DIABLO: variants seen among roughly 807,000 people sequenced by gnomAD.
DIABLO encodes the protein diablo IAP-binding mitochondrial protein.
In DIABLO, 32 loss-of-function variants were observed where a neutral mutation model predicts 31.7. The ratio of observed to expected loss-of-function variants is 1.01; its 90% CI spans 0.76 to 1.35. The LOEUF (loss-of-function observed/expected upper bound fraction) is 1.35, where lower values mean the gene tolerates loss of function less well. Among genes scored for constraint, DIABLO ranks in the 40% most tolerant of loss-of-function variants. The pLI, the probability that DIABLO is intolerant of heterozygous loss-of-function variation, is 0.00. For missense variants in DIABLO, 316 were observed against 286.4 expected, an observed-to-expected ratio of 1.10 and a Z score of -0.75; for synonymous variants, 132 against 103.2, an observed-to-expected ratio of 1.28 and a Z score of -1.69.
In DIABLO at chr12:122,215,174, C is replaced by T. The variant is rs181829307; in HGVS notation, c.523+1314G>A. On this transcript the variant is annotated intron_variant, in intron 5 of 5. Transcript: ENST00000464942. Reference sequence around the variant, plus strand: ...AGGCGTGGTGGTGCATGCTTGTAATCGGGAGGCTGAGGCAGGAAAATTGCT... The same window carrying T: ...AGGCGTGGTGGTGCATGCTTGTAATTGGGAGGCTGAGGCAGGAAAATTGCT... 3.2e-4 allele frequency among the ~76,000 whole-genome samples: 48 copies of T among 152,110 alleles called. 1 individual carries two copies. In the East Asian group the frequency reaches 3.3e-3, roughly 10 times the overall value.
chr12:122,213,150 G>A (rs1286638535), intron 5 of DIABLO, among the ~76,000 whole-genome samples: 1 of 152,028 alleles, frequency 6.6e-6, no homozygotes, highest in Non-Finnish European at 1.5e-5. Context: ...CTGAGCTCAA[G>A]TGATCCACCT....
In DIABLO at chr12:122,208,383, A is replaced by G; in HGVS notation, c.718T>C (p.Ter240ArgextTer48). The change falls in exon 6 of 6, where the codon TGA (stop) becomes CGA (arginine). Residue 240 changes from the stop codon to arginine (R), a stop_lost. Coordinates refer to ENST00000464942, the MANE Select transcript of DIABLO (RefSeq NM_001371333.1). The part of the protein sequence containing the change: ...SEQEAYLRED[*>R] ...GACAGGGCAGTGTGCTCAGGCCCTC[A>G]ATCCTCACGCAGGTAGGCCTCCTGC... 2 of 1,611,970 alleles carry G rather than the reference A, an allele frequency of 1.2e-6. No homozygotes were observed. The highest frequency in any genetic ancestry group is 1.7e-6 in the Non-Finnish European group (2 of 1,179,970).
At position 122,208,003 on chromosome 12, in the gene DIABLO, AT is replaced by A. The variant is rs1953967741; in HGVS notation, c.*377del. ...CAACAGAGGGAACAAGTACTAAATCATTTTTGACGACGTAAATAAGACTGAA... is the reference window on the plus strand; with the variant it reads ...CAACAGAGGGAACAAGTACTAAATCATTTTGACGACGTAAATAAGACTGAA... On this transcript the variant is annotated 3_prime_UTR_variant, in exon 6 of 6. Transcript: ENST00000464942. The A allele has an allele frequency of 2.1e-6, 1 of 482,916 alleles. No individual in the cohort carries two copies. The allele number at this position is 482,916 out of a possible 1,614,324, so 29.9% of individuals were successfully genotyped here. A position where few individuals can be genotyped will look rare whatever the true frequency, so the allele number is the denominator to read the frequency against.
At chr12:122,223,252 T>C (rs1954373403) in intron 2 of DIABLO, among the ~76,000 whole-genome samples, 1 of 151,810 alleles carries the variant, frequency 6.6e-6, no homozygotes, top group African/African-American at 2.4e-5. Flanking sequence ...CTCACAAGCA[T>C]GGAGAAACCC....
At position 122,207,807 on chromosome 12, in the gene DIABLO, C is replaced by G. The variant is rs1455178362; in HGVS notation, c.*574G>C. The G allele has an allele frequency of 2.2e-6, 1 of 464,762 alleles. No homozygotes were observed. The highest frequency in any genetic ancestry group is 2.3e-5 in the Admixed American group (1 of 42,804). The allele number at this position is 464,762 out of a possible 1,614,324, so 28.8% of individuals were successfully genotyped here. A position where few individuals can be genotyped will look rare whatever the true frequency, so the allele number is the denominator to read the frequency against. On this transcript the variant is annotated 3_prime_UTR_variant, in exon 6 of 6. Transcript: ENST00000464942. The stretch of plus-strand genomic sequence containing the variant: ...TGTTGATGTTAAGTCCTGTTGAGAG[C>G]ACCAGGTAAACACTCTGCACCCCTT...
intron 1 of DIABLO, chr12:122,225,761 G>T: frequency 1.4e-6 from 2 of 1,439,308 alleles, no homozygotes; most frequent in Non-Finnish European, 1.8e-6. Context: ...GAAGATGGAC[G>T]AACTGAAAAG....
At chr12:122,213,928 T>TA (rs553865472) in intron 5 of DIABLO, among the ~76,000 whole-genome samples, 1 of 151,794 alleles carries the variant, frequency 6.6e-6, no homozygotes, top group Admixed American at 6.6e-5. Context: ...CTACTAAAAA[T>TA]AAAAAAATTA....
intron 5 of DIABLO, among the ~76,000 whole-genome samples, chr12:122,210,636 C>T (rs893492432): frequency 1.3e-5 from 2 of 149,970 alleles, no homozygotes; most frequent in East Asian, 3.9e-4. Context: ...GCCTTGGCCT[C>T]CCAAAGTGCT....
chr12:122,226,504 G>T (rs1389634134), upstream of DIABLO: 1 of 698,910 alleles, frequency 1.4e-6, no homozygotes, highest in East Asian at 2.7e-5. Context: ...TAGCTGAGGA[G>T]CACGAAGGCG....
At chr12:122,225,879 A>G in intron 1 of DIABLO, 86 bp downstream of exon 1, 1 of 1,542,964 alleles carries the variant, frequency 6.5e-7, no homozygotes. Context: ...CGCGTAAGGA[A>G]GGCGGGCGCC....
At chr12:122,214,884 T>C (rs1033654594) in intron 5 of DIABLO, among the ~76,000 whole-genome samples, 5 of 151,998 alleles carry the variant, frequency 3.3e-5, no homozygotes, top group Non-Finnish European at 5.9e-5. Context: ...AGAGACAGGG[T>C]TTCACCACGG....
chr12:122,219,949 AT>A (rs199676513), intron 2 of DIABLO, among the ~76,000 whole-genome samples: 31,288 of 142,380 alleles, frequency 0.22, 4,450 homozygotes, highest in East Asian at 0.62. Flanking sequence ...CGGTTATTTT[AT>A]TTTTTTTTTT....
At chr12:122,224,881 G>T in intron 1 of DIABLO, 2 of 1,418,484 alleles carry the variant, frequency 1.4e-6, no homozygotes, top group South Asian at 2.6e-5. Flanking sequence ...GGGCAAGGCG[G>T]GAGGATCACT....
intron 2 of DIABLO, chr12:122,221,667 G>T: frequency 6.6e-6 from 1 of 152,222 alleles, no homozygotes; most frequent in Non-Finnish European, 1.5e-5. Flanking sequence ...AAAAGTACTG[G>T]GATTACAAGA....
intron 4 of DIABLO, 55 bp downstream of exon 4, chr12:122,216,703 AG>A: frequency 6.4e-7 from 1 of 1,561,772 alleles, no homozygotes; most frequent in South Asian, 1.1e-5. Context: ...TCAATAATTT[AG>A]ATACCACATG....
chr12:122,223,128 T>A (rs1320180155), intron 2 of DIABLO, among the ~76,000 whole-genome samples: 1 of 151,926 alleles, frequency 6.6e-6, no homozygotes, highest in Non-Finnish European at 1.5e-5. Flanking sequence ...ATCATAATAG[T>A]TCTGTGTTAA....
intron 2 of DIABLO, among the ~76,000 whole-genome samples, chr12:122,223,235 G>A (rs892144919): frequency 6.6e-6 from 1 of 151,446 alleles, no homozygotes; most frequent in Non-Finnish European, 1.5e-5. Flanking sequence ...AGGGGTTCGT[G>A]ACCAGCCTCA....
At position 122,207,799 on chromosome 12, in the gene DIABLO, G is replaced by A. The variant is rs531948282; in HGVS notation, c.*582C>T. On this transcript the variant is annotated 3_prime_UTR_variant, in exon 6 of 6. Coordinates refer to ENST00000464942, the MANE Select transcript of DIABLO (RefSeq NM_001371333.1). ...TTAAGTCCTGTTGATGTTAAGTCCTGTTGAGAGCACCAGGTAAACACTCTG... is the reference window on the plus strand; with the variant it reads ...TTAAGTCCTGTTGATGTTAAGTCCTATTGAGAGCACCAGGTAAACACTCTG... 1.9e-3 allele frequency: 888 copies of A among 467,060 alleles called. 4 individuals carry two copies. The highest frequency in any genetic ancestry group is 2.5e-3 in the Non-Finnish European group (598 of 235,798). The allele number at this position is 467,060 out of a possible 1,614,324, so 28.9% of individuals were successfully genotyped here.
intron 5 of DIABLO, chr12:122,208,869 C>T (rs886768293): frequency 2.1e-6 from 1 of 472,422 alleles, no homozygotes; most frequent in Non-Finnish European, 4.0e-6. Flanking sequence ...TTAGTACAGA[C>T]CTTTGATTAA....
Sources: allele counts gnomAD v4.1 joint callset (sites outside exome capture counted in the v4.1 genomes callset), GRCh38; gene constraint gnomAD v4.1.1; transcripts MANE v1.5; gene names NCBI Gene and HGNC (gene_info 2026-07-23, HGNC 2026-07-21).